PPP6R3: variants seen among roughly 807,000 people sequenced by gnomAD.
PPP6R3 encodes protein phosphatase 6 regulatory subunit 3.
A neutral mutation model predicts 110.7 loss-of-function variants in PPP6R3; 38 were observed. That is an observed-to-expected ratio of 0.34 (90% confidence interval 0.26 to 0.45). The LOEUF (loss-of-function observed/expected upper bound fraction) is 0.45. PPP6R3 is among the 20% of genes least tolerant of loss of function. The pLI is 1.00. For synonymous variants in PPP6R3, 369 were observed against 373.5 expected (o/e 0.99, Z 0.14); for missense variants, 870 against 1,062.4 (o/e 0.82, Z 2.52).
intron 1 of PPP6R3, among the ~76,000 whole-genome samples, chr11:68,496,853 C>CT (rs1157617908): frequency 0.018 from 1,130 of 61,272 alleles, 332 homozygotes; most frequent in Admixed American, 0.099. Context: ...ATATTCTTGT[C>CT]TTTTTTTTTT....
At chr11:68,610,634 A>T (rs1467666729) in intron 23 of PPP6R3, among the ~76,000 whole-genome samples, 1 of 152,218 alleles carries the variant, frequency 6.6e-6, no homozygotes, top group Non-Finnish European at 1.5e-5. Context: ...GGGATGGGCC[A>T]GTCTAAGTCT....
intron 8 of PPP6R3, among the ~76,000 whole-genome samples, chr11:68,563,527 C>T (rs2099438257): frequency 6.6e-6 from 1 of 152,172 alleles, no homozygotes; most frequent in African/African-American, 2.4e-5. Flanking sequence ...GTGACATTTG[C>T]AGGCCCTACG....
intron 2 of PPP6R3, among the ~76,000 whole-genome samples, chr11:68,537,013 ACT>A (rs1384919917): frequency 3.9e-5 from 6 of 152,238 alleles, no homozygotes; most frequent in African/African-American, 9.6e-5. Context: ...GAAGTAACAA[ACT>A]CTGTTTTCCT....
chr11:68,519,151 G>A (rs1247432511), intron 1 of PPP6R3, among the ~76,000 whole-genome samples: 5 of 152,178 alleles, frequency 3.3e-5, no homozygotes, highest in African/African-American at 9.7e-5. Context: ...TAGTAAAAGT[G>A]TGGTGCCTTT....
chr11:68,521,482 C>T (rs1053247995), intron 2 of PPP6R3, among the ~76,000 whole-genome samples: 17 of 152,062 alleles, frequency 1.1e-4, no homozygotes, highest in Non-Finnish European at 1.9e-4. Context: ...GTTATTCCTC[C>T]TCCTCCTCCT....
At chr11:68,571,527 G>GA (rs1355638737) in intron 12 of PPP6R3, among the ~76,000 whole-genome samples, 1 of 152,106 alleles carries the variant, frequency 6.6e-6, no homozygotes, top group Non-Finnish European at 1.5e-5. Context: ...GGACCTAGAG[G>GA]AAAAAAATTG....
chr11:68,480,666 A>T (rs2098900997), intron 1 of PPP6R3, among the ~76,000 whole-genome samples: 1 of 152,212 alleles, frequency 6.6e-6, no homozygotes, highest in African/African-American at 2.4e-5. Context: ...TGCTGGTATT[A>T]TCTGCTATTT....
chr11:68,542,574 A>G (rs1454176394), intron 3 of PPP6R3, among the ~76,000 whole-genome samples: 3 of 151,108 alleles, frequency 2.0e-5, no homozygotes, highest in Admixed American at 6.6e-5. Context: ...TTGTGTTTTT[A>G]GTAGAGATGG....
At chr11:68,578,262 A>G (rs934035134) in intron 14 of PPP6R3, among the ~76,000 whole-genome samples, 2 of 152,192 alleles carry the variant, frequency 1.3e-5, no homozygotes, top group South Asian at 2.1e-4. Flanking sequence ...AAAATACGCA[A>G]TTGTAAATAT....
chr11:68,462,096 C>A (rs938755792), intron 1 of PPP6R3, among the ~76,000 whole-genome samples: 1 of 152,170 alleles, frequency 6.6e-6, no homozygotes, highest in African/African-American at 2.4e-5. Flanking sequence ...AGGATAATTG[C>A]CCTAATACAT....
intron 1 of PPP6R3, among the ~76,000 whole-genome samples, chr11:68,499,112 T>C (rs1236837587): frequency 6.6e-6 from 1 of 152,200 alleles, no homozygotes. Context: ...TTTTTTTTTC[T>C]ATTATCTTTT....
At chr11:68,562,286 A>G (rs899034356) in intron 8 of PPP6R3, among the ~76,000 whole-genome samples, 1 of 152,240 alleles carries the variant, frequency 6.6e-6, no homozygotes, top group Non-Finnish European at 1.5e-5. Flanking sequence ...TATTGATGAA[A>G]TCAAAGATGA....
At chr11:68,495,377 A>G (rs1227640473) in intron 1 of PPP6R3, among the ~76,000 whole-genome samples, 1 of 152,224 alleles carries the variant, frequency 6.6e-6, no homozygotes, top group Non-Finnish European at 1.5e-5. Flanking sequence ...CACTTAACGC[A>G]TACAAGTTAA....
intron 1 of PPP6R3, among the ~76,000 whole-genome samples, chr11:68,512,922 G>A (rs889602562): frequency 1.2e-4 from 19 of 152,102 alleles, no homozygotes; most frequent in Non-Finnish European, 2.6e-4. Context: ...TCACTAATGC[G>A]TGAGTCTGAG....
chr11:68,474,043 C>CTTT (rs34322224), intron 1 of PPP6R3, among the ~76,000 whole-genome samples: 1 of 136,366 alleles, frequency 7.3e-6, no homozygotes. Context: ...AAGCAATTAC[C>CTTT]TTTTTTTTTT....
In PPP6R3 at chr11:68,511,372, A is replaced by T. The variant is rs528149677; in HGVS notation, c.-157-8129A>T. ...GAGCCACCGCGCCCGGCCCATGTAT[A>T]CTATTTATAGCTGTTAAATGGTATA... is the stretch of plus-strand genomic sequence containing the variant. On this transcript the variant is annotated intron_variant, in intron 1 of 23. Coordinates refer to ENST00000393800, the MANE Select transcript of PPP6R3 (RefSeq NM_001164161.2). 1.0e-4 allele frequency among the ~76,000 whole-genome samples: 15 copies of T among 150,666 alleles called. No individual in the cohort carries two copies. In the South Asian group the frequency reaches 2.5e-3, roughly 25 times the overall value.
chr11:68,609,971 G>A lies in PPP6R3; in HGVS notation c.2518G>A (p.Ala840Thr). The part of the protein sequence containing the change: ...CKDAEECPET[A>T]EAKCAAPRPP... ...AGACGCAGAGGAGTGTCCCGAGACT[G>A]CAGAGGCGAAGTGCGCGGCGCCCAG... Residue 840 changes from alanine (A) to threonine (T), a missense_variant, in exon 23 of 24, where the codon GCA becomes ACA. Ala to Thr is a moderately conservative substitution (Grantham distance 58). Transcript: ENST00000393800. The A allele has an allele frequency of 6.2e-7, 1 of 1,614,212 alleles. No individual in the cohort carries two copies.
chr11:68,508,352 G>A (rs559527253), intron 1 of PPP6R3, among the ~76,000 whole-genome samples: 23 of 151,858 alleles, frequency 1.5e-4, no homozygotes, highest in Non-Finnish European at 2.9e-4. Context: ...GGCTGGTCTG[G>A]AACTCCTGAC....
In PPP6R3 at chr11:68,614,249, A is replaced by AT. The variant is rs1434277404; in HGVS notation, c.*1133dup. ...TTTTTTAGAACTGGTTTGTGTATAT[A>AT]TATAGTGATTATGGATACTAATTCA... is the stretch of plus-strand genomic sequence containing the variant. On this transcript the variant is annotated 3_prime_UTR_variant, in exon 24 of 24. Coordinates refer to ENST00000393800, the MANE Select transcript of PPP6R3 (RefSeq NM_001164161.2). The AT allele has an allele frequency of 2.0e-6, 2 of 1,022,666 alleles. No homozygotes were observed. The highest frequency in any genetic ancestry group is 3.5e-5 in the African/African-American group (2 of 57,358). The allele number at this position is 1,022,666 out of a possible 1,614,324, so 63.3% of individuals were successfully genotyped here. A position where few individuals can be genotyped will look rare whatever the true frequency, so the allele number is the denominator to read the frequency against.
Sources: gnomAD v4.1 joint callset for allele counts (sites outside exome capture counted in the v4.1 genomes callset) on GRCh38, gnomAD v4.1.1 for gene constraint, MANE v1.5 for transcripts, NCBI Gene and HGNC (gene_info 2026-07-23, HGNC 2026-07-21) for gene names.